GABRB1: variants seen among roughly 807,000 people sequenced by gnomAD.
GABRB1 encodes gamma-aminobutyric acid receptor subunit beta-1.
GABRB1 carries 17 observed loss-of-function variants against 51.6 expected under a neutral mutation model. The ratio of observed to expected loss-of-function variants is 0.33; its 90% CI spans 0.23 to 0.49. The LOEUF is 0.49. GABRB1 is among the 20% of genes least tolerant of loss of function. The pLI is 0.99. For missense variants in GABRB1, 410 were observed against 600.6 expected (o/e 0.68, Z 3.32); for synonymous variants, 247 against 218.9 (o/e 1.13, Z -1.14).
At chr4:47,294,142 G>A (rs904576316) in intron 4 of GABRB1, among the ~76,000 whole-genome samples, 2 of 152,114 alleles carry the variant, frequency 1.3e-5, no homozygotes, top group Non-Finnish European at 2.9e-5. Flanking sequence ...TGGCCAAATA[G>A]GAACAGCTCC....
intron 3 of GABRB1, among the ~76,000 whole-genome samples, chr4:47,049,767 A>AACAGTATAT (rs1252615812): frequency 1.3e-5 from 2 of 152,220 alleles, no homozygotes; most frequent in Non-Finnish European, 2.9e-5. Context: ...ACTGCAGATG[A>AACAGTATAT]ACAGTATATT....
intron 3 of GABRB1, among the ~76,000 whole-genome samples, chr4:47,159,642 G>T (rs149927162): frequency 7.0e-4 from 107 of 152,094 alleles, no homozygotes; most frequent in African/African-American, 2.5e-3. Context: ...ATTATTGCAA[G>T]GTGGTTTCTG....
intron 4 of GABRB1, among the ~76,000 whole-genome samples, chr4:47,190,509 T>A (rs75311784): frequency 0.016 from 2,489 of 152,248 alleles, 71 homozygotes; most frequent in African/African-American, 0.057. Flanking sequence ...CCTACACATA[T>A]CCTTTATCTG....
At chr4:47,185,863 A>G (rs1446062389) in intron 4 of GABRB1, among the ~76,000 whole-genome samples, 1 of 151,880 alleles carries the variant, frequency 6.6e-6, no homozygotes, top group Non-Finnish European at 1.5e-5. Context: ...TGCAAATCCC[A>G]GCTCTCAAGT....
intron 3 of GABRB1, among the ~76,000 whole-genome samples, chr4:47,042,562 A>G (rs1187519325): frequency 6.6e-6 from 1 of 150,788 alleles, no homozygotes; most frequent in Admixed American, 6.6e-5. Flanking sequence ...TGGCACATGG[A>G]CTGTCAATAT....
intron 3 of GABRB1, among the ~76,000 whole-genome samples, chr4:47,040,730 A>G (rs778676062): frequency 3.3e-5 from 5 of 152,200 alleles, no homozygotes; most frequent in Non-Finnish European, 7.4e-5. Flanking sequence ...CTCTACAGAG[A>G]TAGATCCTGA....
At chr4:47,334,589 A>G (rs1725624276) in intron 5 of GABRB1, among the ~76,000 whole-genome samples, 1 of 152,176 alleles carries the variant, frequency 6.6e-6, no homozygotes, top group Non-Finnish European at 1.5e-5. Flanking sequence ...CTATGTAGAA[A>G]GGACTTATTT....
chr4:47,187,438 C>T (rs1401923420), intron 4 of GABRB1, among the ~76,000 whole-genome samples: 1 of 151,838 alleles, frequency 6.6e-6, no homozygotes, highest in Non-Finnish European at 1.5e-5. Flanking sequence ...ATTGCTTGTC[C>T]TTGTTTCTTT....
intron 4 of GABRB1, among the ~76,000 whole-genome samples, chr4:47,238,523 C>T (rs1241243519): frequency 6.6e-6 from 1 of 151,892 alleles, no homozygotes; most frequent in African/African-American, 2.4e-5. Context: ...TGTATGACAC[C>T]ACAAATAATG....
chr4:47,236,958 A>T (rs1163903830), intron 4 of GABRB1, among the ~76,000 whole-genome samples: 1 of 152,188 alleles, frequency 6.6e-6, no homozygotes, highest in Non-Finnish European at 1.5e-5. Flanking sequence ...AAAACAAAAC[A>T]TATAAAAGGT....
intron 5 of GABRB1, 134 bp downstream of exon 5, chr4:47,320,343 T>C: frequency 2.9e-6 from 2 of 680,910 alleles, no homozygotes; most frequent in Non-Finnish European, 5.3e-6. Flanking sequence ...GGGTTTATAT[T>C]GGTAGCTCAA....
Position 47,293,228 on chromosome 4 carries a change from G to A in GABRB1, c.462-26899G>A, listed in dbSNP as rs139039724. 9.2e-5 allele frequency among the ~76,000 whole-genome samples: 14 copies of A among 152,136 alleles called. No homozygotes were observed. The East Asian group carries it at 2.1e-3, about 23-fold the overall frequency. On this transcript the variant is annotated intron_variant, in intron 4 of 8. Coordinates refer to ENST00000295454, the MANE Select transcript of GABRB1 (RefSeq NM_000812.4). ...GCAATCTCATCTCACCACAACCTCC[G>A]CCTCCCGGGTTCAAGTGATTCTCCT...
At chr4:47,350,200 TATATATATATATATATATAGAGAGAGAG>T (rs1726261786) in intron 5 of GABRB1, among the ~76,000 whole-genome samples, 1 of 87,736 alleles carries the variant, frequency 1.1e-5, no homozygotes, top group African/African-American at 4.7e-5. Flanking sequence ...TATATATATA[TATATATATATATATATATAGAGAGAGAG>T]AGAGAGAGAG....
At chr4:47,374,185 C>T (rs902127279) in intron 5 of GABRB1, among the ~76,000 whole-genome samples, 2 of 152,192 alleles carry the variant, frequency 1.3e-5, no homozygotes, top group Admixed American at 6.5e-5. Flanking sequence ...CATAATTCTG[C>T]AGGCCAGCCT....
At chr4:47,407,285 A>G (rs1235769693) in intron 8 of GABRB1, among the ~76,000 whole-genome samples, 2 of 152,202 alleles carry the variant, frequency 1.3e-5, no homozygotes, top group African/African-American at 4.8e-5. Context: ...ATAACCATAG[A>G]CTGAAATCAA....
In GABRB1 at chr4:47,376,596, G is replaced by A. The variant is rs1264159069; in HGVS notation, c.545-26722G>A. ...CGGGAGGCGGAGCTTGCAGTGAGCC[G>A]AGACCGCACCACTGCACTCCAGCCT... On this transcript the variant is annotated intron_variant, in intron 5 of 8. Transcript: ENST00000295454. Among the ~76,000 whole-genome samples the A allele has an allele frequency of 3.3e-5, 5 of 152,292 alleles. 1 individual carries two copies. The highest frequency in any genetic ancestry group is 2.0e-4 in the Admixed American group (3 of 15,302).
intron 4 of GABRB1, among the ~76,000 whole-genome samples, chr4:47,208,960 C>T (rs1720246394): frequency 6.6e-6 from 1 of 151,920 alleles, no homozygotes; most frequent in Non-Finnish European, 1.5e-5. Flanking sequence ...CAGGAATTGA[C>T]TTGATATTAA....
At chr4:47,341,684 T>C (rs1250876031) in intron 5 of GABRB1, among the ~76,000 whole-genome samples, 1 of 152,214 alleles carries the variant, frequency 6.6e-6, no homozygotes, top group Non-Finnish European at 1.5e-5. Flanking sequence ...AATCATTTTT[T>C]TTCGCACTTG....
chr4:47,365,483 C>T (rs1456818676), intron 5 of GABRB1, among the ~76,000 whole-genome samples: 1 of 152,118 alleles, frequency 6.6e-6, no homozygotes, highest in African/African-American at 2.4e-5. Context: ...TGTTTCTTCC[C>T]ACCCAGCGAT....
Sources: gnomAD v4.1 joint callset for allele counts (sites outside exome capture counted in the v4.1 genomes callset) on GRCh38, gnomAD v4.1.1 for gene constraint, MANE v1.5 for transcripts, NCBI Gene and HGNC (gene_info 2026-07-23, HGNC 2026-07-21) for gene names.